BTBD2: variants seen among roughly 807,000 people sequenced by gnomAD.
BTBD2 encodes the protein BTB domain containing 2, also known as BTB/POZ domain-containing protein 2.
BTBD2 carries 15 observed loss-of-function variants against 44.0 expected under a neutral mutation model. That is an observed-to-expected ratio of 0.34 (90% CI 0.23 to 0.53). The LOEUF (loss-of-function observed/expected upper bound fraction) is 0.53. BTBD2 is among the 20% of genes least tolerant of loss of function. The pLI, the probability that BTBD2 is intolerant of heterozygous loss-of-function variation, is 0.95. For missense variants in BTBD2, 657 were observed against 746.4 expected, an observed-to-expected ratio of 0.88 and a Z score of 1.39; for synonymous variants, 443 against 335.9, an observed-to-expected ratio of 1.32 and a Z score of -3.49.
intron 8 of BTBD2, 25 bp downstream of exon 8, chr19:1,986,799 CACGGAG>C (rs772735585): frequency 6.3e-7 from 1 of 1,584,314 alleles, no homozygotes; most frequent in South Asian, 1.1e-5. Context: ...CAGAGACTCC[CACGGAG>C]GGACCCCTGT....
intron 5 of BTBD2, chr19:1,987,894 C>A: frequency 1.7e-6 from 1 of 582,768 alleles, no homozygotes; most frequent in African/African-American, 1.9e-5. Context: ...GGGCACAGAC[C>A]AGAGGCCGAC....
intron 3 of BTBD2, chr19:1,991,084 G>T: frequency 2.5e-6 from 1 of 407,816 alleles, no homozygotes; most frequent in East Asian, 5.0e-5. Flanking sequence ...AGATGCTCAG[G>T]TCCCTGTCGG....
chr19:1,997,470 C>G lies in BTBD2; in HGVS notation c.408-7G>C. Reference sequence around the variant, plus strand: ...GCCCACGGCCAGCACGAACCTGGTACGGGAGAGAGAAGGCCCTGGTTAAGC... The same window carrying G: ...GCCCACGGCCAGCACGAACCTGGTAGGGGAGAGAGAAGGCCCTGGTTAAGC... On this transcript the variant is annotated splice_polypyrimidine_tract_variant and splice_region_variant and intron_variant, in intron 1 of 8. Coordinates refer to ENST00000255608, the MANE Select transcript of BTBD2 (RefSeq NM_017797.4). The G allele has an allele frequency of 6.2e-7, 1 of 1,613,876 alleles. No homozygotes were observed.
At chr19:2,012,691 C>A (rs1376647177) in intron 1 of BTBD2, among the ~76,000 whole-genome samples, 1 of 152,216 alleles carries the variant, frequency 6.6e-6, no homozygotes, top group Non-Finnish European at 1.5e-5. Context: ...TGCTATCTCC[C>A]GCTGGGCCTC....
chr19:2,013,328 C>A lies in BTBD2; in HGVS notation c.407+1969G>T, dbSNP rs1001639854. 6.6e-5 allele frequency among the ~76,000 whole-genome samples: 10 copies of A among 152,192 alleles called. No individual in the cohort carries two copies. In the East Asian group the frequency reaches 1.9e-3, roughly 29 times the overall value. ...AGTGGAGGGAACCTGGGGCCTGGGG[C>A]CGGTACCCCGCACACTGGCAAAGAC... On this transcript the variant is annotated intron_variant, in intron 1 of 8. Coordinates refer to ENST00000255608, the MANE Select transcript of BTBD2 (RefSeq NM_017797.4).
intron 1 of BTBD2, among the ~76,000 whole-genome samples, chr19:2,012,055 C>A (rs947903663): frequency 6.6e-6 from 1 of 151,798 alleles, no homozygotes; most frequent in African/African-American, 2.4e-5. Flanking sequence ...GGTGTTTCAC[C>A]ACGTTGGCCA....
chr19:1,995,355 C>A (rs2016237265), intron 2 of BTBD2, among the ~76,000 whole-genome samples: 2 of 146,920 alleles, frequency 1.4e-5, no homozygotes, highest in African/African-American at 5.1e-5. Flanking sequence ...GACCTCAGCT[C>A]ACTGCAAGCT....
chr19:1,998,243 C>T (rs1474675423), intron 1 of BTBD2, among the ~76,000 whole-genome samples: 1 of 152,236 alleles, frequency 6.6e-6, no homozygotes, highest in Non-Finnish European at 1.5e-5. Flanking sequence ...CAGCTACAGG[C>T]ACAGGGCCTG....
intron 1 of BTBD2, among the ~76,000 whole-genome samples, chr19:2,010,686 C>T (rs1251703649): frequency 3.7e-4 from 56 of 151,250 alleles, no homozygotes; most frequent in Non-Finnish European, 1.2e-4. Flanking sequence ...GTCACCCAGG[C>T]TGGAGTGCAG....
chr19:2,007,256 G>A (rs951598971), intron 1 of BTBD2, among the ~76,000 whole-genome samples: 5 of 152,164 alleles, frequency 3.3e-5, no homozygotes, highest in African/African-American at 1.2e-4. Flanking sequence ...CTCCGAAAGT[G>A]CCAGGATTAC....
At chr19:1,994,595 C>G (rs2016226034) in intron 2 of BTBD2, among the ~76,000 whole-genome samples, 2 of 151,886 alleles carry the variant, frequency 1.3e-5, no homozygotes, top group Admixed American at 1.3e-4. Context: ...CGGGTCTCTA[C>G]TAAAAATACA....
intron 1 of BTBD2, among the ~76,000 whole-genome samples, chr19:2,010,560 T>C (rs2016451633): frequency 2.0e-5 from 3 of 152,046 alleles, no homozygotes; most frequent in African/African-American, 7.2e-5. Context: ...TCCTCACAGC[T>C]GGCAAGGCCC....
chr19:1,987,363 AC>A, intron 6 of BTBD2, 110 bp from the exon 7 acceptor site: 1 of 911,546 alleles, frequency 1.1e-6, no homozygotes, highest in Non-Finnish European at 1.5e-6. Context: ...TGAGTCCTCC[AC>A]CCCCATGCCC....
intron 3 of BTBD2, among the ~76,000 whole-genome samples, chr19:1,992,796 G>T (rs2016197136): frequency 6.6e-6 from 1 of 151,868 alleles, no homozygotes; most frequent in South Asian, 2.1e-4. Context: ...GGTCTGGAAC[G>T]CCTGAGCTCA....
chr19:2,007,765 T>C (rs2016413069), intron 1 of BTBD2, among the ~76,000 whole-genome samples: 1 of 152,022 alleles, frequency 6.6e-6, no homozygotes, highest in South Asian at 2.1e-4. Flanking sequence ...AGGCAGAGCT[T>C]TGCAGCGAGC....
rs1356992632 is a variant in BTBD2, at chr19:1,986,636, T to C, written c.1430A>G (p.His477Arg). 2 of 1,613,712 alleles carry C rather than the reference T, an allele frequency of 1.2e-6. No homozygotes were observed. Among genetic ancestry groups the C allele is most frequent in the South Asian group, 2.2e-5 (2 of 91,076 alleles). The change falls in exon 9 of 9, where the codon CAC becomes CGC. Residue 477 changes from histidine (H) to arginine (R), a missense_variant. Physicochemically the swap from His to Arg is conservative, Grantham distance 29. Coordinates refer to ENST00000255608, the MANE Select transcript of BTBD2 (RefSeq NM_017797.4). ...ACATLKGPDSHYGTKGLRKVT... is the reference protein window; with the variant it reads ...ACATLKGPDSRYGTKGLRKVT... ...CTTGCGCAGGCCTTTGGTGCCGTAG[T>C]GGGAGTCTGGGCCCTGTAGGGAATA...
Position 1,986,599 on chromosome 19 carries a change from C to T in BTBD2, c.1467G>A (p.Glu489=). 6.2e-7 allele frequency: 1 copy of T among 1,614,008 alleles called. No homozygotes were observed. Among genetic ancestry groups the T allele is most frequent in the Non-Finnish European group, 8.5e-7 (1 of 1,179,936 alleles). Residue 489 remains glutamate, a synonymous_variant, in exon 9 of 9, where the codon GAG becomes GAA. Transcript: ENST00000255608. ...AGGTCTTGGCGCCCGTGGTGGGCGA[C>T]TCGTGTGTCACCTTGCGCAGGCCTT... The part of the protein sequence containing the change: ...GTKGLRKVTH[E]SPTTGAKTCF...
In BTBD2 at chr19:2,015,317, C is replaced by A. The variant is rs1328457915; in HGVS notation, c.387G>T (p.Ser129=). 14 of 1,570,234 alleles carry A rather than the reference C, an allele frequency of 8.9e-6. No homozygotes were observed. The highest frequency in any genetic ancestry group is 1.2e-5 in the Non-Finnish European group (14 of 1,165,730). ...VHFLVGKGLS[S]QRIPAHRFVL... ...CCCACCTGTGCGCGGGGATGCGCTG[C>A]GAGCTGAGCCCCTTGCCCACCAGGA... Residue 129 remains serine (S), a synonymous_variant, in exon 1 of 9, where the codon TCG becomes TCT. Coordinates refer to ENST00000255608, the MANE Select transcript of BTBD2 (RefSeq NM_017797.4).
intron 1 of BTBD2, among the ~76,000 whole-genome samples, chr19:2,004,074 GTC>G (rs1314395505): frequency 6.6e-6 from 1 of 151,708 alleles, no homozygotes; most frequent in East Asian, 1.9e-4. Context: ...CAATGCAATG[GTC>G]TGTTTCTTAC....
Sources: allele counts gnomAD v4.1 joint callset (sites outside exome capture counted in the v4.1 genomes callset), GRCh38; gene constraint gnomAD v4.1.1; transcripts MANE v1.5; gene names NCBI Gene and HGNC (gene_info 2026-07-23, HGNC 2026-07-21).